UBASH3B: variants seen among roughly 807,000 people sequenced by gnomAD.
The protein encoded by UBASH3B is ubiquitin-associated and SH3 domain-containing protein B.
Under a neutral mutation model 83.4 loss-of-function variants are expected in UBASH3B, and 37 were observed. That is an observed-to-expected ratio of 0.44 (90% CI 0.34 to 0.58). The LOEUF (loss-of-function observed/expected upper bound fraction) is 0.58. UBASH3B is among the 20% of genes least tolerant of loss of function. The probability of loss-of-function intolerance (pLI) is 0.01; values close to 1 mark genes in which losing one functional copy is unlikely to be tolerated. For synonymous variants in UBASH3B, 304 were observed against 318.3 expected (o/e 0.96, Z 0.48); for missense variants, 657 against 827.2 (o/e 0.79, Z 2.52).
intron 3 of UBASH3B, 199 bp from the exon 4 acceptor site, chr11:122,779,298 C>T: frequency 1.6e-6 from 1 of 634,244 alleles, no homozygotes; most frequent in Non-Finnish European, 2.8e-6. Flanking sequence ...GTGTTCCCCA[C>T]ATTAATCCAC....
intron 1 of UBASH3B, among the ~76,000 whole-genome samples, chr11:122,711,589 G>A (rs1864192676): frequency 2.0e-5 from 3 of 152,226 alleles, no homozygotes; most frequent in Admixed American, 1.3e-4. Flanking sequence ...TAAGTCTCCT[G>A]AGCATGCCCC....
chr11:122,685,800 G>T (rs1047977204), intron 1 of UBASH3B, among the ~76,000 whole-genome samples: 1 of 152,202 alleles, frequency 6.6e-6, no homozygotes. Flanking sequence ...GATTACAGGC[G>T]TGAGCTACCA....
chr11:122,681,482 C>G (rs1863737549), intron 1 of UBASH3B, among the ~76,000 whole-genome samples: 2 of 152,172 alleles, frequency 1.3e-5, no homozygotes, highest in South Asian at 2.1e-4. Context: ...ACAAGCCACA[C>G]TGAACAGTCC....
intron 9 of UBASH3B, among the ~76,000 whole-genome samples, chr11:122,798,381 C>A (rs1486855130): frequency 6.6e-6 from 1 of 152,084 alleles, no homozygotes; most frequent in Non-Finnish European, 1.5e-5. Context: ...CTAGCTAAAG[C>A]CTTTACCACT....
At chr11:122,705,084 G>A (rs1046456898) in intron 1 of UBASH3B, among the ~76,000 whole-genome samples, 1 of 152,162 alleles carries the variant, frequency 6.6e-6, no homozygotes, top group Non-Finnish European at 1.5e-5. Context: ...AACTATCCCC[G>A]TGGACACAGT....
Position 122,758,167 on chromosome 11 carries a change from G to C in UBASH3B, c.162-18052G>C, listed in dbSNP as rs1188090729. Among the ~76,000 whole-genome samples, 1 of 152,164 alleles carries C rather than the reference G, an allele frequency of 6.6e-6. No homozygotes were observed. The highest frequency in any genetic ancestry group is 1.5e-5 in the Non-Finnish European group (1 of 68,030). On this transcript the variant is annotated intron_variant, in intron 1 of 13. Transcript: ENST00000284273. This position sits in a 1 kb window ranked among gnomAD's most constrained non-coding sequence, Gnocchi z 4.2. ...GAAGGAAGGCGAAGATGTGGCCGGGGGTGGGGCCGGTCTGGGGGGTATCGT... is the reference window on the plus strand; with the variant it reads ...GAAGGAAGGCGAAGATGTGGCCGGGCGTGGGGCCGGTCTGGGGGGTATCGT...
chr11:122,798,709 C>CA (rs11433996), intron 9 of UBASH3B, among the ~76,000 whole-genome samples: 38,020 of 118,302 alleles, frequency 0.32, 5,983 homozygotes, highest in Middle Eastern at 0.48. Context: ...GACTCCATCT[C>CA]AAAAAAAAAA....
chr11:122,797,880 A>G (rs2135176633), intron 9 of UBASH3B, among the ~76,000 whole-genome samples: 1 of 152,332 alleles, frequency 6.6e-6, no homozygotes, highest in Middle Eastern at 3.4e-3. Context: ...TGTCTAGAGT[A>G]TAAATTGTGA....
At chr11:122,794,664 G>T (rs200289150) in intron 6 of UBASH3B, 38 bp from the exon 7 acceptor site, 809 of 1,613,130 alleles carry the variant, frequency 5.0e-4, no homozygotes, top group Non-Finnish European at 4.8e-4. Flanking sequence ...ATGACTGCTG[G>T]CCAGAGCAGT....
At position 122,703,486 on chromosome 11, in the gene UBASH3B, A is replaced by G. The variant is rs893777525; in HGVS notation, c.161+47276A>G. Among the ~76,000 whole-genome samples, 139 of 152,238 alleles carry G rather than the reference A, an allele frequency of 9.1e-4. 1 individual carries two copies. Among genetic ancestry groups the G allele is most frequent in the African/African-American group, 3.0e-3 (123 of 41,556 alleles). The stretch of plus-strand genomic sequence containing the variant: ...CCTCCACCACCGCTTTTCAAAATAA[A>G]TAGTGTCAAATGATGCTTATTCCCT... On this transcript the variant is annotated intron_variant, in intron 1 of 13. Coordinates refer to ENST00000284273, the MANE Select transcript of UBASH3B (RefSeq NM_032873.5).
chr11:122,684,469 T>C (rs1331259489), intron 1 of UBASH3B, among the ~76,000 whole-genome samples: 1 of 152,172 alleles, frequency 6.6e-6, no homozygotes, highest in Non-Finnish European at 1.5e-5. Flanking sequence ...TTAACCTCAC[T>C]AAAGCAGGTG....
At chr11:122,682,074 T>C (rs1208666911) in intron 1 of UBASH3B, among the ~76,000 whole-genome samples, 6 of 152,182 alleles carry the variant, frequency 3.9e-5, no homozygotes, top group Admixed American at 3.9e-4. Flanking sequence ...CATCTGCCCA[T>C]GTACAGCCAC....
intron 1 of UBASH3B, among the ~76,000 whole-genome samples, chr11:122,666,511 C>T (rs57151014): frequency 0.013 from 2,040 of 152,014 alleles, 48 homozygotes; most frequent in African/African-American, 0.047. Flanking sequence ...CTCTGCCTCC[C>T]GGGTTCAAAC....
intron 1 of UBASH3B, among the ~76,000 whole-genome samples, chr11:122,771,042 T>C (rs1357872996): frequency 6.6e-6 from 1 of 152,184 alleles, no homozygotes; most frequent in Non-Finnish European, 1.5e-5. Flanking sequence ...CCACTTACGT[T>C]TTCAGGTATC....
intron 1 of UBASH3B, among the ~76,000 whole-genome samples, chr11:122,723,421 C>A (rs553455445): frequency 1.3e-5 from 2 of 152,336 alleles, no homozygotes; most frequent in Admixed American, 1.3e-4. Flanking sequence ...TCCACGTGAT[C>A]TCCCTTGGAG....
intron 1 of UBASH3B, among the ~76,000 whole-genome samples, chr11:122,674,724 GT>G (rs35117227): frequency 0.024 from 2,689 of 112,262 alleles, 51 homozygotes; most frequent in African/African-American, 0.081. Context: ...TCTGCAGTTA[GT>G]TTTTTTTTTT....
intron 1 of UBASH3B, among the ~76,000 whole-genome samples, chr11:122,763,559 T>C (rs12804711): frequency 0.15 from 22,902 of 152,116 alleles, 1,980 homozygotes; most frequent in Middle Eastern, 0.24. Flanking sequence ...CTTTCTCTGA[T>C]TAGCTTTATA....
intron 1 of UBASH3B, among the ~76,000 whole-genome samples, chr11:122,744,604 T>G (rs1335479193): frequency 1.3e-5 from 2 of 151,212 alleles, no homozygotes; most frequent in Admixed American, 1.3e-4. Context: ...GTGAGGGTGT[T>G]TGTGTGCATG....
chr11:122,664,463 T>C (rs1206153671), intron 1 of UBASH3B, among the ~76,000 whole-genome samples: 2 of 151,906 alleles, frequency 1.3e-5, no homozygotes, highest in African/African-American at 4.8e-5. Flanking sequence ...CTGAACACTT[T>C]TGTCATTTTC....
Sources: allele counts gnomAD v4.1 joint callset (sites outside exome capture counted in the v4.1 genomes callset), GRCh38; gene constraint gnomAD v4.1.1; non-coding constraint Gnocchi (gnomAD v3.1); transcripts MANE v1.5; gene names NCBI Gene and HGNC (gene_info 2026-07-23, HGNC 2026-07-21).